BOD1L1: variants seen among roughly 807,000 people sequenced by gnomAD.
BOD1L1 encodes biorientation of chromosomes in cell division protein 1-like 1.
A neutral mutation model predicts 240.7 loss-of-function variants in BOD1L1; 86 were observed. The observed-to-expected ratio is 0.36, with a 90% confidence interval of 0.30 to 0.43. The LOEUF is 0.43. Ranked by LOEUF, BOD1L1 falls within the 20% of genes least tolerant of loss-of-function variation. The pLI is 1.00. For missense variants in BOD1L1, 3,554 were observed against 3,643.5 expected, an observed-to-expected ratio of 0.98 and a Z score of 0.63; for synonymous variants, 1,268 against 1,272.3, an observed-to-expected ratio of 1.00 and a Z score of 0.07.
chr4:13,578,384 T>C (rs1351467821), intron 22 of BOD1L1, among the ~76,000 whole-genome samples: 1 of 152,218 alleles, frequency 6.6e-6, no homozygotes. Flanking sequence ...TCCAAAACTT[T>C]TTGAGCACCA....
chr4:13,624,702 C>T (rs956489124), intron 1 of BOD1L1: 2 of 152,186 alleles, frequency 1.3e-5, no homozygotes, highest in South Asian at 4.1e-4. Flanking sequence ...GTTCTGTGGT[C>T]TTCTGGTGTA....
intron 1 of BOD1L1, among the ~76,000 whole-genome samples, chr4:13,620,588 G>A (rs1355115124): frequency 6.6e-6 from 1 of 152,130 alleles, no homozygotes; most frequent in African/African-American, 2.4e-5. Flanking sequence ...AGACAGAGAG[G>A]TTGGGGCCAG....
intron 15 of BOD1L1, among the ~76,000 whole-genome samples, chr4:13,588,515 G>A (rs1010105234): frequency 6.6e-6 from 1 of 152,098 alleles, no homozygotes; most frequent in Non-Finnish European, 1.5e-5. Flanking sequence ...ACTGTACAAC[G>A]TGGGCACTTC....
In BOD1L1 at chr4:13,605,019, T is replaced by C. The variant is rs1715578252; in HGVS notation, c.1881A>G (p.Pro627=). ...ELKHVHAKSE[P]SKPARRLSES... is the part of the protein sequence containing the mutation. ...CTGAAAGTCTCCGGGCAGGTTTACT[T>C]GGTTCACTTTTTGCATGAACATGCT... Residue 627 remains proline, a synonymous_variant, in exon 10 of 26, where the codon CCA becomes CCG. Coordinates refer to ENST00000040738, the MANE Select transcript of BOD1L1 (RefSeq NM_148894.3). 2 of 1,604,956 alleles carry C rather than the reference T, an allele frequency of 1.2e-6. No individual in the cohort carries two copies. Among genetic ancestry groups the C allele is most frequent in the African/African-American group, 1.3e-5 (1 of 74,520 alleles).
chr4:13,614,412 C>G lies in BOD1L1; in HGVS notation c.958G>C (p.Asp320His), dbSNP rs1716415764. The change falls in exon 4 of 26, where the codon GAC (aspartate) becomes CAC (histidine). Residue 320 changes from aspartate (D) to histidine (H), a missense_variant. Transcript: ENST00000040738. ...ESSEQKNKST[D>H]KGEKKPDSNE... ...CTGTCTGGCTTCTTTTCACCTTTGT[C>G]TGTTGATTTATTTTTTTGCTCACTG... is the stretch of plus-strand genomic sequence containing the variant. 6.3e-7 allele frequency: 1 copy of G among 1,587,464 alleles called. No individual in the cohort carries two copies. The highest frequency in any genetic ancestry group is 8.6e-7 in the Non-Finnish European group (1 of 1,165,100).
Position 13,602,343 on chromosome 4 carries a change from A to G in BOD1L1, c.4557T>C (p.Thr1519=). The change falls in exon 10 of 26, where the codon ACT becomes ACC. Residue 1519 remains threonine, a synonymous_variant. Transcript: ENST00000040738. ...CATCTTTGTCCTTCCCTTCAGTACT[A>G]GTGGCAACAGAAGTCTTTTCTGCTC... ...PRRAEKTSVA[T]STEGKDKDVT... is the part of the protein sequence containing the mutation. The G allele has an allele frequency of 1.2e-6, 2 of 1,613,962 alleles. No homozygotes were observed. The highest frequency in any genetic ancestry group is 1.7e-6 in the Non-Finnish European group (2 of 1,179,892).
intron 10 of BOD1L1, among the ~76,000 whole-genome samples, chr4:13,597,435 C>A (rs1714717533): frequency 6.6e-6 from 1 of 152,228 alleles, no homozygotes; most frequent in Non-Finnish European, 1.5e-5. Flanking sequence ...AAAGTATTAT[C>A]TGTGGAGACA....
chr4:13,620,103 T>C (rs750372766), intron 1 of BOD1L1, 36 bp from the exon 2 acceptor site: 76 of 1,560,582 alleles, frequency 4.9e-5, no homozygotes, highest in Non-Finnish European at 6.4e-5. Flanking sequence ...TCTTCAAGGT[T>C]ATACAGTATC....
chr4:13,602,421 A>T lies in BOD1L1; in HGVS notation c.4479T>A (p.Ser1493=). ...DTSAGSGSAP[S]VLHQRNGQTE... ...TTTGTCCGTTCCTTTGGTGTAAAAC[A>T]GAGGGTGCAGAGCCACTTCCAGCAC... is the stretch of plus-strand genomic sequence containing the variant. Residue 1493 remains serine, a synonymous_variant, in exon 10 of 26, where the codon TCT becomes TCA. Coordinates refer to ENST00000040738, the MANE Select transcript of BOD1L1 (RefSeq NM_148894.3). 1 of 1,614,008 alleles carries T rather than the reference A, an allele frequency of 6.2e-7. No individual in the cohort carries two copies. The highest frequency in any genetic ancestry group is 8.5e-7 in the Non-Finnish European group (1 of 1,179,874).
At chr4:13,616,165 G>A (rs868645301) in intron 2 of BOD1L1, among the ~76,000 whole-genome samples, 11 of 152,282 alleles carry the variant, frequency 7.2e-5, no homozygotes, top group African/African-American at 2.2e-4. Context: ...GCTACAAATT[G>A]ACCTGGTCCC....
At chr4:13,611,262 TTTTA>T (rs1716150364) in intron 5 of BOD1L1, among the ~76,000 whole-genome samples, 162 bp from the exon 6 acceptor site, 1 of 152,244 alleles carries the variant, frequency 6.6e-6, no homozygotes, top group African/African-American at 2.4e-5. Flanking sequence ...TAATTCATAT[TTTTA>T]TTTCTTATCA....
chr4:13,610,899 T>A, intron 6 of BOD1L1, 35 bp downstream of exon 6: 1 of 1,538,466 alleles, frequency 6.5e-7, no homozygotes, highest in Non-Finnish European at 8.8e-7. Context: ...TAACCTGATG[T>A]AGTAGGTTAA....
intron 2 of BOD1L1, among the ~76,000 whole-genome samples, chr4:13,616,683 T>G (rs1367154057): frequency 6.6e-6 from 1 of 152,204 alleles, no homozygotes; most frequent in African/African-American, 2.4e-5. Flanking sequence ...AATGCTATTT[T>G]TGAGTGCACT....
At position 13,627,681 on chromosome 4, in the gene BOD1L1, G is replaced by C; in HGVS notation, c.-94C>G. On this transcript the variant is annotated 5_prime_UTR_variant, in exon 1 of 26. Transcript: ENST00000040738. ...GTCCCGCCGCCTGAGGGAAGCCAAC[G>C]GGATGTTGTTACGGAACCAGCGGAT... 1.0e-6 allele frequency: 1 copy of C among 996,032 alleles called. No homozygotes were observed. The highest frequency in any genetic ancestry group is 5.0e-4 in the Middle Eastern group (1 of 2,014). 61.7% of individuals were successfully genotyped at this position (996,032 alleles called of 1,614,324 possible).
Position 13,608,556 on chromosome 4 carries a change from T to C in BOD1L1, c.1716A>G (p.Leu572=). Reference sequence around the variant, plus strand: ...TTGAATCTTTTTTTCTCTTTTTGCTTAAGGCTACTTTTTTTTCTAAAACTT... The same window carrying C: ...TTGAATCTTTTTTTCTCTTTTTGCTCAAGGCTACTTTTTTTTCTAAAACTT... The part of the protein sequence containing the change: ...ERKVLEKKVA[L]SKKRKKDSRN... Residue 572 remains leucine (L), a synonymous_variant, in exon 8 of 26, where the codon TTA becomes TTG. Transcript: ENST00000040738. 1 of 1,544,930 alleles carries C rather than the reference T, an allele frequency of 6.5e-7. No homozygotes were observed. The highest frequency in any genetic ancestry group is 2.2e-5 in the Admixed American group (1 of 46,460).
At position 13,597,187 on chromosome 4, in the gene BOD1L1, T is replaced by C. The variant is rs1400233688; in HGVS notation, c.7955-19A>G. On this transcript the variant is annotated intron_variant, in intron 10 of 25. Transcript: ENST00000040738. ...TCATTGCCTAATAAAATTCAAGCCA[T>C]TTAGTACAGTTTAAGAATTTGCTTG... 1 of 1,571,486 alleles carries C rather than the reference T, an allele frequency of 6.4e-7. No individual in the cohort carries two copies. Among genetic ancestry groups the C allele is most frequent in the Admixed American group, 1.8e-5 (1 of 54,420 alleles).
Position 13,600,082 on chromosome 4 carries a change from G to C in BOD1L1, c.6818C>G (p.Pro2273Arg), listed in dbSNP as rs776833420. Reference sequence around the variant, plus strand: ...GACTGAGGGGTCGCCTTCCTCTTGAGGGACAGCACTGGACACTGGGCCCTC... The same window carrying C: ...GACTGAGGGGTCGCCTTCCTCTTGACGGACAGCACTGGACACTGGGCCCTC... The part of the protein sequence containing the change: ...DCEGPVSSAV[P>R]QEEGDPSVTP... The change falls in exon 10 of 26, where the codon CCT (proline) becomes CGT (arginine). Residue 2273 changes from proline (P) to arginine (R), a missense_variant. Pro to Arg is a moderately radical substitution (Grantham distance 103). Around this residue, in one of 2 missense-constraint regions of BOD1L1, gnomAD observed 3,393 missense variants for 3,427.1 expected, o/e 0.99. Coordinates refer to ENST00000040738, the MANE Select transcript of BOD1L1 (RefSeq NM_148894.3). 35 of 1,613,420 alleles carry C rather than the reference G, an allele frequency of 2.2e-5. No individual in the cohort carries two copies. The East Asian group carries it at 7.1e-4, about 33-fold the overall frequency.
In BOD1L1 at chr4:13,574,893, C is replaced by A. The variant is rs534621133; in HGVS notation, c.9038+1945G>T. 6.8e-5 allele frequency among the ~76,000 whole-genome samples: 10 copies of A among 147,850 alleles called. No individual in the cohort carries two copies. In the East Asian group the frequency reaches 1.9e-3, roughly 28 times the overall value. ...GTGTTAAGTCTGGAGGAATTAGAAACAGATTGATTTTAAGTTTTTGTTTTT... is the reference window on the plus strand; with the variant it reads ...GTGTTAAGTCTGGAGGAATTAGAAAAAGATTGATTTTAAGTTTTTGTTTTT... On this transcript the variant is annotated intron_variant, in intron 25 of 25. Transcript: ENST00000040738.
intron 1 of BOD1L1, among the ~76,000 whole-genome samples, 186 bp downstream of exon 1, chr4:13,627,159 C>G (rs573751469): frequency 6.6e-6 from 1 of 152,314 alleles, no homozygotes; most frequent in Non-Finnish European, 1.5e-5. Context: ...CCATGACTGG[C>G]ACGTAGTAGG....
Sources: gnomAD v4.1 joint callset for allele counts (sites outside exome capture counted in the v4.1 genomes callset) on GRCh38, gnomAD v4.1.1 for gene constraint, gnomAD v4.1.1 regional missense constraint, MANE v1.5 for transcripts, NCBI Gene and HGNC (gene_info 2026-07-23, HGNC 2026-07-21) for gene names.